Variants in SLCO5A1 observed in about 807,000 individuals in gnomAD.
SLCO5A1 encodes the protein organic anion transporter polypeptide-related protein 4.
SLCO5A1 carries 39 observed loss-of-function variants against 65.1 expected under a neutral mutation model. The ratio of observed to expected loss-of-function variants is 0.60; its 90% CI spans 0.46 to 0.78. The LOEUF (loss-of-function observed/expected upper bound fraction) is 0.78, where lower values mean the gene tolerates loss of function less well. Among genes scored for constraint, SLCO5A1 ranks in the 30% least tolerant of loss-of-function variants. SLCO5A1 has a pLI of 0.00. For missense variants in SLCO5A1, 1,029 were observed against 1,069.4 expected, an observed-to-expected ratio of 0.96 and a Z score of 0.53; for synonymous variants, 438 against 415.7, an observed-to-expected ratio of 1.05 and a Z score of -0.65.
chr8:69,800,636 C>A (rs758873199), intron 2 of SLCO5A1, among the ~76,000 whole-genome samples: 46 of 152,176 alleles, frequency 3.0e-4, no homozygotes, highest in Admixed American at 5.9e-4. Context: ...GTAGTCAGCA[C>A]AGGCTACATT....
chr8:69,683,514 CTCAATAGGTAAT>C (rs1403292866), intron 6 of SLCO5A1, among the ~76,000 whole-genome samples: 4 of 151,978 alleles, frequency 2.6e-5, no homozygotes, highest in Non-Finnish European at 5.9e-5. Context: ...GTACATTGCA[CTCAATAGGTAAT>C]TTCTCGCCCC....
intron 2 of SLCO5A1, among the ~76,000 whole-genome samples, chr8:69,814,630 A>G (rs1340066138): frequency 1.3e-5 from 2 of 152,202 alleles, no homozygotes; most frequent in African/African-American, 4.8e-5. Context: ...GAATTACCGT[A>G]TGATCCAGCA....
rs1474870857 is a variant in SLCO5A1, at chr8:69,781,632, C to CT, written c.908-19758dup. Among the ~76,000 whole-genome samples, 7 of 151,844 alleles carry CT rather than the reference C, an allele frequency of 4.6e-5. No homozygotes were observed. In the East Asian group the frequency reaches 1.2e-3, roughly 25 times the overall value. On this transcript the variant is annotated intron_variant, in intron 2 of 9. Coordinates refer to ENST00000260126, the MANE Select transcript of SLCO5A1 (RefSeq NM_030958.3). ...TTATGTAGTAGATACTATTATTATC[C>CT]TTTTTTGTTTTTGTTTTTTGTTTTT... is the stretch of plus-strand genomic sequence containing the variant.
intron 2 of SLCO5A1, among the ~76,000 whole-genome samples, chr8:69,795,095 A>T (rs1311265775): frequency 6.6e-6 from 1 of 152,208 alleles, no homozygotes; most frequent in Non-Finnish European, 1.5e-5. Flanking sequence ...ATTGGGGATT[A>T]CAATTTGACA....
At chr8:69,813,978 T>C (rs1395223374) in intron 2 of SLCO5A1, among the ~76,000 whole-genome samples, 1 of 152,196 alleles carries the variant, frequency 6.6e-6, no homozygotes, top group Non-Finnish European at 1.5e-5. Flanking sequence ...TTCAATTTCC[T>C]CATCTATAAA....
At chr8:69,699,966 C>G (rs115525922) in intron 6 of SLCO5A1, among the ~76,000 whole-genome samples, 2,687 of 152,242 alleles carry the variant, frequency 0.018, 82 homozygotes, top group African/African-American at 0.059. Context: ...AAAAAATTAT[C>G]CCAGTGTAGT....
intron 5 of SLCO5A1, among the ~76,000 whole-genome samples, chr8:69,723,842 G>A (rs13266195): frequency 0.12 from 17,273 of 148,800 alleles, 1,135 homozygotes; most frequent in South Asian, 0.21. Flanking sequence ...GCGCAATCTC[G>A]GCTCACTGCA....
intron 6 of SLCO5A1, among the ~76,000 whole-genome samples, chr8:69,693,694 T>C (rs1814371149): frequency 6.6e-6 from 1 of 152,224 alleles, no homozygotes; most frequent in Admixed American, 6.5e-5. Context: ...TACCATTAAA[T>C]AGTTATTTAT....
At chr8:69,689,645 T>C in intron 6 of SLCO5A1, among the ~76,000 whole-genome samples, 3 of 137,020 alleles carry the variant, frequency 2.2e-5, no homozygotes, top group African/African-American at 3.0e-5. Flanking sequence ...GATCAGATAG[T>C]TGTAGATATG....
chr8:69,688,917 AC>A (rs1814117091), intron 6 of SLCO5A1, among the ~76,000 whole-genome samples: 1 of 152,138 alleles, frequency 6.6e-6, no homozygotes, highest in Admixed American at 6.5e-5. Flanking sequence ...TGCCACACTG[AC>A]TTCCACCATG....
At chr8:69,771,128 G>A (rs371561491) in intron 2 of SLCO5A1, among the ~76,000 whole-genome samples, 2 of 152,176 alleles carry the variant, frequency 1.3e-5, no homozygotes, top group African/African-American at 2.4e-5. Context: ...GGGATCACAG[G>A]TGCCCACCAC....
At chr8:69,775,105 A>C (rs1277236450) in intron 2 of SLCO5A1, among the ~76,000 whole-genome samples, 2 of 152,202 alleles carry the variant, frequency 1.3e-5, no homozygotes, top group Non-Finnish European at 2.9e-5. Flanking sequence ...GGAATAGTCT[A>C]TCACTTTGCT....
At chr8:69,811,317 C>A (rs1452824009) in intron 2 of SLCO5A1, among the ~76,000 whole-genome samples, 1 of 152,208 alleles carries the variant, frequency 6.6e-6, no homozygotes, top group Middle Eastern at 3.2e-3. Context: ...TCGTAATTAC[C>A]AGAAGCCCAT....
Position 69,738,222 on chromosome 8 carries a change from T to C in SLCO5A1, c.1259-18A>G, listed in dbSNP as rs1287833903. 3.2e-6 allele frequency: 5 copies of C among 1,584,014 alleles called. No individual in the cohort carries two copies. The highest frequency in any genetic ancestry group is 4.3e-6 in the Non-Finnish European group (5 of 1,162,128). ...TGGTAGGTCTACAAAATGACAAAAA[T>C]GACAAATGAATGTTATAAACAATGG... On this transcript the variant is annotated intron_variant, in intron 4 of 9. Coordinates refer to ENST00000260126, the MANE Select transcript of SLCO5A1 (RefSeq NM_030958.3).
intron 6 of SLCO5A1, among the ~76,000 whole-genome samples, chr8:69,684,374 C>G (rs1294287372): frequency 1.3e-5 from 2 of 152,082 alleles, no homozygotes; most frequent in East Asian, 3.9e-4. Context: ...CTGGTCACAA[C>G]CCTGCTGATC....
chr8:69,758,786 A>G (rs1817633619), intron 3 of SLCO5A1, among the ~76,000 whole-genome samples: 1 of 152,206 alleles, frequency 6.6e-6, no homozygotes, highest in South Asian at 2.1e-4. Context: ...AGTGTGCAGT[A>G]CCTGTTGGAA....
chr8:69,681,257 G>A (rs545162880), intron 7 of SLCO5A1, among the ~76,000 whole-genome samples: 43 of 152,174 alleles, frequency 2.8e-4, no homozygotes, highest in Non-Finnish European at 4.4e-4. Flanking sequence ...AAGCAACTTC[G>A]TACAATCTGT....
At chr8:69,704,669 T>A (rs547845677) in intron 6 of SLCO5A1, among the ~76,000 whole-genome samples, 5 of 152,378 alleles carry the variant, frequency 3.3e-5, no homozygotes, top group Admixed American at 6.5e-5. Flanking sequence ...GAGGTTTCAC[T>A]GTACCTTGTA....
rs1040453271 is a variant in SLCO5A1 at position 69,671,016 on chromosome 8, A to G, written c.*1853T>C. On this transcript the variant is annotated 3_prime_UTR_variant, in exon 10 of 10. Transcript: ENST00000260126. ...TTCCAATATATGCCACATTGGCCAGAGTCTGACAATTACCAGTGCAATTAC... is the reference window on the plus strand; with the variant it reads ...TTCCAATATATGCCACATTGGCCAGGGTCTGACAATTACCAGTGCAATTAC... 4 of 152,142 alleles carry G rather than the reference A, an allele frequency of 2.6e-5. No homozygotes were observed. The highest frequency in any genetic ancestry group is 7.2e-5 in the African/African-American group (3 of 41,450). 9.4% of individuals were successfully genotyped at this position (152,142 alleles called of 1,614,324 possible).
Sources: gnomAD v4.1 joint callset for allele counts (sites outside exome capture counted in the v4.1 genomes callset) on GRCh38, gnomAD v4.1.1 for gene constraint, MANE v1.5 for transcripts, NCBI Gene and HGNC (gene_info 2026-07-23, HGNC 2026-07-21) for gene names.